The following MEIS1 variants were observed in gnomAD, a reference collection of about 807,000 sequenced individuals.
MEIS1 encodes homeobox protein Meis1.
MEIS1 carries 5 observed loss-of-function variants against 50.8 expected under a neutral mutation model. That is an observed-to-expected ratio of 0.10 (90% CI 0.05 to 0.21). MEIS1 has a LOEUF of 0.21. Ranked by LOEUF, MEIS1 falls within the 10% of genes least tolerant of loss-of-function variation. The probability of loss-of-function intolerance (pLI) is 1.00; values close to 1 mark genes in which losing one functional copy is unlikely to be tolerated. For missense variants in MEIS1, 318 were observed against 517.3 expected (o/e 0.61, Z 3.74); for synonymous variants, 176 against 179.3 (o/e 0.98, Z 0.15).
At chr2:66,491,873 C>G (rs925144098) in intron 7 of MEIS1, among the ~76,000 whole-genome samples, 2 of 151,838 alleles carry the variant, frequency 1.3e-5, no homozygotes, top group Non-Finnish European at 2.9e-5. Context: ...GACAGCTGCA[C>G]CCAGAAAATT....
At chr2:66,504,748 CTG>C (rs1360247013) in intron 7 of MEIS1, among the ~76,000 whole-genome samples, 3 of 152,204 alleles carry the variant, frequency 2.0e-5, no homozygotes, top group Non-Finnish European at 4.4e-5. Context: ...ACTGCTATGT[CTG>C]TACCACAGGG....
At chr2:66,512,015 C>A in intron 7 of MEIS1, 134 bp from the exon 8 acceptor site, 1 of 1,089,936 alleles carries the variant, frequency 9.2e-7, no homozygotes, top group African/African-American at 1.6e-5. Context: ...CAAAACACAA[C>A]AAAAAAACAG....
intron 7 of MEIS1, among the ~76,000 whole-genome samples, chr2:66,469,276 A>G (rs933525760): frequency 8.6e-5 from 13 of 151,896 alleles, no homozygotes; most frequent in Non-Finnish European, 1.6e-4. Context: ...ATCATAATGT[A>G]TCAATAGTTG....
At chr2:66,454,083 G>A (rs994173987) in intron 6 of MEIS1, among the ~76,000 whole-genome samples, 1 of 152,032 alleles carries the variant, frequency 6.6e-6, no homozygotes, top group African/African-American at 2.4e-5. Context: ...TTAATAATCT[G>A]TAAAATGGGG....
intron 6 of MEIS1, among the ~76,000 whole-genome samples, chr2:66,463,494 G>A (rs190723020): frequency 3.0e-4 from 46 of 152,218 alleles, no homozygotes; most frequent in South Asian, 8.3e-4. Context: ...TCTGTTTTCC[G>A]TTCAATAGTA....
intron 8 of MEIS1, among the ~76,000 whole-genome samples, chr2:66,519,833 C>A (rs1674068267): frequency 6.6e-6 from 1 of 152,046 alleles, no homozygotes; most frequent in South Asian, 2.1e-4. Context: ...TTGGTAACTG[C>A]TTGAATTTGA....
rs371372493 is a variant in MEIS1 at position 66,548,011 on chromosome 2, G to A, written c.957G>A (p.Val319=). The change falls in exon 9 of 13, where the codon GTG becomes GTA. Residue 319 remains valine (V), a synonymous_variant. Transcript: ENST00000272369. The part of the protein sequence containing the change: ...AQDTGLTILQ[V]NNWFINARRR... ...ACACGGGACTCACCATCCTTCAAGT[G>A]AACAATTGGTAAGTAATTTGGCTTT... 14 of 1,612,488 alleles carry A rather than the reference G, an allele frequency of 8.7e-6. No individual in the cohort carries two copies. In the African/African-American group the frequency reaches 1.9e-4, roughly 22 times the overall value.
chr2:66,459,778 A>C (rs541643147), intron 6 of MEIS1, among the ~76,000 whole-genome samples: 7 of 152,264 alleles, frequency 4.6e-5, no homozygotes, highest in Admixed American at 3.9e-4. Context: ...ACACGGAATA[A>C]AAAGGAATGA....
Position 66,435,861 on chromosome 2 carries a change from C to T in MEIS1, c.5C>T (p.Ala2Val). The T allele has an allele frequency of 2.6e-6, 4 of 1,567,186 alleles. No individual in the cohort carries two copies. Among genetic ancestry groups the T allele is most frequent in the Admixed American group, 1.9e-5 (1 of 51,900 alleles). Residue 2 changes from alanine (A) to valine (V), a missense_variant, in exon 1 of 13, where the codon GCG becomes GTG. Physicochemically the swap from Ala to Val is moderately conservative, Grantham distance 64. This residue lies in a region of MEIS1 where 100 missense variants were observed against 107.1 expected (regional missense o/e 0.93). Coordinates refer to ENST00000272369, the MANE Select transcript of MEIS1 (RefSeq NM_002398.3). ...GGAAGGGAGCCAGAGAGGCCGATGGCGCAAAGGGTACGTATTAAAAAACAA... is the reference window on the plus strand; with the variant it reads ...GGAAGGGAGCCAGAGAGGCCGATGGTGCAAAGGGTACGTATTAAAAAACAA... M[A>V]QRYDDLPHYG...
intron 6 of MEIS1, among the ~76,000 whole-genome samples, chr2:66,453,424 C>A (rs1476319049): frequency 6.6e-6 from 1 of 151,954 alleles, no homozygotes; most frequent in Non-Finnish European, 1.5e-5. Flanking sequence ...GTTGCTTTGG[C>A]TGATCTCTTA....
At chr2:66,529,393 T>A (rs923639586) in intron 8 of MEIS1, among the ~76,000 whole-genome samples, 11 of 152,066 alleles carry the variant, frequency 7.2e-5, no homozygotes, top group African/African-American at 2.7e-4. Context: ...GATACAGGGG[T>A]TAGGATATCA....
intron 7 of MEIS1, among the ~76,000 whole-genome samples, chr2:66,483,192 C>T (rs569906987): frequency 1.3e-5 from 2 of 150,808 alleles, no homozygotes; most frequent in Non-Finnish European, 3.0e-5. Context: ...GGACTGGTGT[C>T]CATTTCTAAG....
chr2:66,515,108 CAACTTAT>C (rs1673933361), intron 8 of MEIS1, among the ~76,000 whole-genome samples: 1 of 152,068 alleles, frequency 6.6e-6, no homozygotes, highest in Non-Finnish European at 1.5e-5. Context: ...GTGATTAATG[CAACTTAT>C]CTAGGAAATC....
At chr2:66,557,661 G>T (rs897632057) in intron 9 of MEIS1, among the ~76,000 whole-genome samples, 5 of 152,096 alleles carry the variant, frequency 3.3e-5, no homozygotes, top group Non-Finnish European at 7.4e-5. Flanking sequence ...TGGATATAAG[G>T]TATCTTTTTT....
At chr2:66,469,438 G>C (rs780892403) in intron 7 of MEIS1, among the ~76,000 whole-genome samples, 38 of 152,256 alleles carry the variant, frequency 2.5e-4, no homozygotes, top group African/African-American at 7.0e-4. Flanking sequence ...GGCCTGAGAG[G>C]GGGTGGGGAG....
chr2:66,548,866 C>A (rs1473427165), intron 9 of MEIS1, among the ~76,000 whole-genome samples: 5 of 152,134 alleles, frequency 3.3e-5, no homozygotes, highest in Admixed American at 3.3e-4. Flanking sequence ...AAGTAAAATC[C>A]AGAAAAGGCC....
chr2:66,461,815 C>T, intron 6 of MEIS1: 1 of 467,440 alleles, frequency 2.1e-6, no homozygotes, highest in South Asian at 1.6e-5. Context: ...ATAGCGGAAT[C>T]AGAATTTCCA....
At chr2:66,518,212 G>GTA (rs1674017894) in intron 8 of MEIS1, among the ~76,000 whole-genome samples, 1 of 152,126 alleles carries the variant, frequency 6.6e-6, no homozygotes, top group Non-Finnish European at 1.5e-5. Flanking sequence ...ATTTATCCAG[G>GTA]TATATAGCCC....
intron 8 of MEIS1, among the ~76,000 whole-genome samples, chr2:66,525,661 C>T (rs1048196835): frequency 7.2e-5 from 11 of 152,318 alleles, no homozygotes; most frequent in Middle Eastern, 3.4e-3. Context: ...TTCTGATAGA[C>T]GCAGGGCTCT....
Sources: allele counts gnomAD v4.1 joint callset (sites outside exome capture counted in the v4.1 genomes callset), GRCh38; gene constraint gnomAD v4.1.1; regional missense constraint gnomAD v4.1.1; transcripts MANE v1.5; gene names NCBI Gene and HGNC (gene_info 2026-07-23, HGNC 2026-07-21).